DCC: variants seen among roughly 807,000 people sequenced by gnomAD.
DCC encodes DCC netrin 1 receptor, also known as netrin receptor DCC.
A neutral mutation model predicts 172.5 loss-of-function variants in DCC; 58 were observed. The ratio of observed to expected loss-of-function variants is 0.34; its 90% CI spans 0.27 to 0.42. The LOEUF (loss-of-function observed/expected upper bound fraction) is 0.42. Among genes scored for constraint, DCC ranks in the 10% least tolerant of loss-of-function variants. The probability of loss-of-function intolerance (pLI) is 1.00; values close to 1 mark genes in which losing one functional copy is unlikely to be tolerated. For synonymous variants in DCC, 709 were observed against 644.5 expected (o/e 1.10, Z -1.52); for missense variants, 1,740 against 1,791.0 (o/e 0.97, Z 0.51).
At chr18:53,427,865 T>A (rs1197867830) in intron 21 of DCC, among the ~76,000 whole-genome samples, 2 of 71,758 alleles carry the variant, frequency 2.8e-5, no homozygotes, top group Admixed American at 4.2e-4. Flanking sequence ...TTATATATAA[T>A]ATATAAATAT....
chr18:53,088,940 T>C (rs964871939), intron 7 of DCC, among the ~76,000 whole-genome samples: 2 of 152,236 alleles, frequency 1.3e-5, no homozygotes, highest in African/African-American at 4.8e-5. Context: ...TGATACTTGA[T>C]AATATGAATA....
Position 52,861,409 on chromosome 18 carries a change from T to C in DCC, c.413-44635T>C, listed in dbSNP as rs145485715. Among the ~76,000 whole-genome samples, 6 of 152,328 alleles carry C rather than the reference T, an allele frequency of 3.9e-5. No individual in the cohort carries two copies. The East Asian group carries it at 7.7e-4, about 20-fold the overall frequency. On this transcript the variant is annotated intron_variant, in intron 2 of 28. Transcript: ENST00000442544. The stretch of plus-strand genomic sequence containing the variant: ...GTCAAAGCCTTGGTAAAATAACTAG[T>C]ACCCACAAGTGTGTCCTCTTACAGA...
At chr18:52,802,935 G>A (rs71367295) in intron 2 of DCC, among the ~76,000 whole-genome samples, 4 of 151,884 alleles carry the variant, frequency 2.6e-5, no homozygotes, top group African/African-American at 9.7e-5. Flanking sequence ...GTAAGCCAGA[G>A]TAAAGAAAAT....
chr18:53,455,078 C>T (rs1323653785), intron 23 of DCC, among the ~76,000 whole-genome samples: 3 of 152,186 alleles, frequency 2.0e-5, no homozygotes, highest in African/African-American at 7.2e-5. Context: ...TTCTACTTAT[C>T]AATATATCTT....
intron 2 of DCC, among the ~76,000 whole-genome samples, chr18:52,844,975 C>T (rs76242289): frequency 0.011 from 1,667 of 152,262 alleles, 15 homozygotes; most frequent in Middle Eastern, 0.024. Flanking sequence ...AAGAATTTGC[C>T]ATTAAAGATA....
At chr18:52,359,781 A>G (rs1427122967) in intron 1 of DCC, among the ~76,000 whole-genome samples, 1 of 152,212 alleles carries the variant, frequency 6.6e-6, no homozygotes, top group Admixed American at 6.5e-5. Context: ...GGTTTCTGTC[A>G]CAGGCAATAC....
rs1488744268 is a variant in DCC at position 52,951,694 on chromosome 18, A to C, written c.985+26324A>C. 3.9e-5 allele frequency among the ~76,000 whole-genome samples: 6 copies of C among 152,330 alleles called. No individual in the cohort carries two copies. In the East Asian group the frequency reaches 9.6e-4, roughly 24 times the overall value. On this transcript the variant is annotated intron_variant, in intron 5 of 28. Coordinates refer to ENST00000442544, the MANE Select transcript of DCC (RefSeq NM_005215.4). The stretch of plus-strand genomic sequence containing the variant: ...GCAGTATGTAGACTCCTATGGGAAA[A>C]GTATCATTTCAACTTGATGATAGCT...
At chr18:52,710,352 C>T (rs924588664) in intron 1 of DCC, among the ~76,000 whole-genome samples, 3 of 152,130 alleles carry the variant, frequency 2.0e-5, no homozygotes, top group African/African-American at 7.2e-5. Context: ...GCTTGGGTGA[C>T]AGAGTGAGAT....
At chr18:53,337,598 G>A (rs1165858840) in intron 14 of DCC, among the ~76,000 whole-genome samples, 4 of 151,940 alleles carry the variant, frequency 2.6e-5, no homozygotes, top group Admixed American at 6.6e-5. Context: ...GCTTTTTTAG[G>A]GCAGACTAAT....
At chr18:52,964,758 A>G (rs142925233) in intron 5 of DCC, among the ~76,000 whole-genome samples, 2,055 of 152,246 alleles carry the variant, frequency 0.013, 61 homozygotes, top group African/African-American at 0.047. Context: ...CAATGTAAAT[A>G]TATTATTTCA....
intron 22 of DCC, among the ~76,000 whole-genome samples, chr18:53,437,399 T>C (rs1359565558): frequency 1.3e-5 from 2 of 151,268 alleles, no homozygotes; most frequent in Non-Finnish European, 2.9e-5. Flanking sequence ...GCTAACACGG[T>C]GAAACCCTGT....
intron 12 of DCC, among the ~76,000 whole-genome samples, chr18:53,295,871 C>A (rs997247125): frequency 6.6e-6 from 1 of 152,106 alleles, no homozygotes; most frequent in Non-Finnish European, 1.5e-5. Context: ...ATTTGACATT[C>A]AATAATTCAC....
intron 12 of DCC, among the ~76,000 whole-genome samples, chr18:53,292,115 C>A (rs548389300): frequency 0.19 from 3,040 of 16,310 alleles, 126 homozygotes; most frequent in African/African-American, 0.24. Context: ...TGAGCTCCAC[C>A]CCCCCCCCCT....
At chr18:52,739,848 A>G (rs1050087414) in intron 1 of DCC, among the ~76,000 whole-genome samples, 4 of 152,182 alleles carry the variant, frequency 2.6e-5, no homozygotes, top group African/African-American at 2.4e-5. Context: ...AAACTGCTCT[A>G]TTAATCTACT....
chr18:53,412,388 C>T (rs985142052), intron 20 of DCC, among the ~76,000 whole-genome samples: 1 of 152,032 alleles, frequency 6.6e-6, no homozygotes, highest in Non-Finnish European at 1.5e-5. Context: ...TACATGTATA[C>T]ATCTTACAAG....
chr18:53,202,736 C>CAG (rs2055559986), intron 9 of DCC, among the ~76,000 whole-genome samples: 1 of 152,014 alleles, frequency 6.6e-6, no homozygotes, highest in Non-Finnish European at 1.5e-5. Flanking sequence ...TAAATGAGGC[C>CAG]AGAGAGAGAG....
chr18:53,305,587 G>T lies in DCC; in HGVS notation c.1921G>T (p.Val641Phe). 6.2e-7 allele frequency: 1 copy of T among 1,612,286 alleles called. No individual in the cohort carries two copies. Among genetic ancestry groups the T allele is most frequent in the Non-Finnish European group, 8.5e-7 (1 of 1,178,436 alleles). Reference sequence around the variant, plus strand: ...ACCTATTATTTTACAGAGTATCAAAGTTAGCTGGCTGCCTCCTCCATCAGG... The same window carrying T: ...ACCTATTATTTTACAGAGTATCAAATTTAGCTGGCTGCCTCCTCCATCAGG... The part of the protein sequence containing the change: ...LEVVNSRSIK[V>F]SWLPPPSGTQ... The change falls in exon 13 of 29, where the codon GTT becomes TTT. Residue 641 changes from valine (V) to phenylalanine (F), a missense_variant. Val to Phe is a conservative substitution (Grantham distance 50, BLOSUM62 -1). Coordinates refer to ENST00000442544, the MANE Select transcript of DCC (RefSeq NM_005215.4).
chr18:53,390,868 A>G (rs1908504332), intron 16 of DCC, among the ~76,000 whole-genome samples: 1 of 152,204 alleles, frequency 6.6e-6, no homozygotes, highest in South Asian at 2.1e-4. Flanking sequence ...AATGTGTAAT[A>G]TGGGAACTCC....
chr18:52,822,658 A>G (rs904972405), intron 2 of DCC, among the ~76,000 whole-genome samples: 1 of 152,234 alleles, frequency 6.6e-6, no homozygotes, highest in East Asian at 1.9e-4. Flanking sequence ...CACAGTTTTA[A>G]TGAAATCATT....
Sources: allele counts gnomAD v4.1 joint callset (sites outside exome capture counted in the v4.1 genomes callset), GRCh38; gene constraint gnomAD v4.1.1; transcripts MANE v1.5; gene names NCBI Gene and HGNC (gene_info 2026-07-23, HGNC 2026-07-21).